The following SAFB2 variants were observed in gnomAD, a reference collection of about 807,000 sequenced individuals.
The protein encoded by SAFB2 is scaffold attachment factor B2.
In SAFB2, 32 loss-of-function variants were observed where a neutral mutation model predicts 100.6. The ratio of observed to expected loss-of-function variants is 0.32; its 90% confidence interval spans 0.24 to 0.43. The LOEUF is 0.43. Ranked by LOEUF, SAFB2 falls within the 20% of genes least tolerant of loss-of-function variation. The probability of loss-of-function intolerance (pLI) is 1.00; values close to 1 mark genes in which losing one functional copy is unlikely to be tolerated. For synonymous variants in SAFB2, 500 were observed against 439.4 expected (o/e 1.14, Z -1.72); for missense variants, 1,185 against 1,163.4 (o/e 1.02, Z -0.27).
At chr19:5,594,310 A>C in intron 14 of SAFB2, 132 bp from the exon 15 acceptor site, 5 of 1,121,808 alleles carry the variant, frequency 4.5e-6, no homozygotes, top group Non-Finnish European at 2.4e-6. Flanking sequence ...GCTTCCCTAA[A>C]GCTGCGCGTG....
chr19:5,608,389 A>T (rs1195365237), intron 9 of SAFB2, among the ~76,000 whole-genome samples: 1 of 152,216 alleles, frequency 6.6e-6, no homozygotes, highest in African/African-American at 2.4e-5. Context: ...GTGACCACGT[A>T]TGTTTACCTC....
rs762734015 is a variant in SAFB2, at chr19:5,595,376, T to C, written c.1904A>G (p.Glu635Gly). The C allele has an allele frequency of 6.2e-7, 1 of 1,611,420 alleles. No homozygotes were observed. Among genetic ancestry groups the C allele is most frequent in the Admixed American group, 1.7e-5 (1 of 60,014 alleles). ...CTCCACTCACCGCCGCCTCTCCGTT[T>C]CGCGGATCTCCCGTTCCCGCTGCCT... The part of the protein sequence containing the change: ...RQRQREREIR[E>G]TERRREREQR... Residue 635 changes from glutamate (E) to glycine (G), a missense_variant, in exon 14 of 21, where the codon GAA becomes GGA. Physicochemically the swap from Glu to Gly is moderately conservative, Grantham distance 98 (BLOSUM62 -2). Around this residue, in one of 3 missense-constraint regions of SAFB2, gnomAD observed 740 missense variants for 687.1 expected, o/e 1.08. Transcript: ENST00000252542.
intron 12 of SAFB2, 78 bp from the exon 13 acceptor site, chr19:5,598,962 C>G: frequency 7.5e-7 from 1 of 1,340,844 alleles, no homozygotes; most frequent in Non-Finnish European, 1.1e-6. Flanking sequence ...TCTGATGGAC[C>G]CTGGGCTTTT....
In SAFB2 at chr19:5,616,320, T is replaced by C. The variant is rs747963502; in HGVS notation, c.355A>G (p.Ser119Gly). ...SRDGQEDMEA[S>G]LENLQNMGMM... ...CCCATATTCTGCAGGTTCTCCAGACTTGCTTCCATGTCCTCCTGTAAAGAG... is the reference window on the plus strand; with the variant it reads ...CCCATATTCTGCAGGTTCTCCAGACCTGCTTCCATGTCCTCCTGTAAAGAG... The change falls in exon 4 of 21, where the codon AGT becomes GGT. Residue 119 changes from serine to glycine, a missense_variant. This residue lies in a region of SAFB2 where 351 missense variants were observed against 341.2 expected (regional missense o/e 1.03). Coordinates refer to ENST00000252542, the MANE Select transcript of SAFB2 (RefSeq NM_014649.3). The C allele has an allele frequency of 6.2e-7, 1 of 1,614,054 alleles. No homozygotes were observed. Among genetic ancestry groups the C allele is most frequent in the African/African-American group, 1.3e-5 (1 of 74,918 alleles).
rs770776818 is a variant in SAFB2 at position 5,587,292 on chromosome 19, T to C, written c.2813A>G (p.His938Arg). The C allele has an allele frequency of 7.5e-6, 12 of 1,609,460 alleles. No individual in the cohort carries two copies. Among genetic ancestry groups the C allele is most frequent in the Non-Finnish European group, 1.0e-5 (12 of 1,178,922 alleles). ...ASQDRGSRVP[H>R]PHPHPPPYPH... is the part of the protein sequence containing the mutation. The stretch of plus-strand genomic sequence containing the variant: ...GTACGGGGGGGGATGAGGGTGTGGG[T>C]GAGGGACTCTGCTGCCCCGGTCCTG... Residue 938 changes from histidine (H) to arginine (R), a missense_variant, in exon 21 of 21, where the codon CAC becomes CGC. Around this residue, in one of 3 missense-constraint regions of SAFB2, gnomAD observed 740 missense variants for 687.1 expected, o/e 1.08. Transcript: ENST00000252542. This position sits in a 1 kb window ranked among gnomAD's most constrained non-coding sequence, Gnocchi z 4.9.
At position 5,587,710 on chromosome 19, in the gene SAFB2, C is replaced by G. The variant is rs575648368; in HGVS notation, c.2696G>C (p.Gly899Ala). The G allele has an allele frequency of 1.9e-6, 3 of 1,551,528 alleles. No individual in the cohort carries two copies. The highest frequency in any genetic ancestry group is 2.4e-5 in the East Asian group (1 of 40,916). ...SGPGHMASRG[G>A]VAGRGGFAQG... ...GGACGACACACCTTACCCCGCCACT[C>G]CACCGCGGCTTGCCATGTGCCCCGG... is the stretch of plus-strand genomic sequence containing the variant. The change falls in exon 20 of 21, where the codon GGA (glycine) becomes GCA (alanine). Residue 899 changes from glycine (G) to alanine (A), a missense_variant. This residue lies in a region of SAFB2 where 740 missense variants were observed against 687.1 expected (regional missense o/e 1.08). Coordinates refer to ENST00000252542, the MANE Select transcript of SAFB2 (RefSeq NM_014649.3). This position sits in a 1 kb window ranked among gnomAD's most constrained non-coding sequence, Gnocchi z 4.9.
At chr19:5,616,535 ATAAT>A (rs769202299) in intron 2 of SAFB2, 49 bp from the exon 3 acceptor site, 24 of 1,480,866 alleles carry the variant, frequency 1.6e-5, no homozygotes, top group South Asian at 1.1e-4. Flanking sequence ...GTTCTACCTC[ATAAT>A]TAGTTTATGC....
In SAFB2 at chr19:5,616,355, T is replaced by G. The variant is rs1449209779; in HGVS notation, c.340-20A>C. 1 of 1,614,020 alleles carries G rather than the reference T, an allele frequency of 6.2e-7. No homozygotes were observed. Among genetic ancestry groups the G allele is most frequent in the East Asian group, 2.2e-5 (1 of 44,898 alleles). ...GTCCTCCTGTAAAGAGGAAGAAGAA[T>G]CGTTAACGACCACCTGGACCAGGAC... On this transcript the variant is annotated intron_variant, in intron 3 of 20. Coordinates refer to ENST00000252542, the MANE Select transcript of SAFB2 (RefSeq NM_014649.3).
intron 12 of SAFB2, among the ~76,000 whole-genome samples, chr19:5,599,146 C>G (rs1227730788): frequency 6.6e-6 from 1 of 152,194 alleles, no homozygotes; most frequent in Admixed American, 6.5e-5. Context: ...AGCACGCACA[C>G]AAGCACGGCC....
intron 4 of SAFB2, among the ~76,000 whole-genome samples, chr19:5,615,092 A>C (rs1372825129): frequency 6.6e-6 from 1 of 151,916 alleles, no homozygotes; most frequent in Non-Finnish European, 1.5e-5. Context: ...CAGTGGCTCA[A>C]GCCTGTAATC....
At chr19:5,617,940 A>C (rs887549272) in intron 2 of SAFB2, among the ~76,000 whole-genome samples, 1 of 152,202 alleles carries the variant, frequency 6.6e-6, no homozygotes, top group Non-Finnish European at 1.5e-5. Context: ...CTAGGAATTA[A>C]GAGACAAGTT....
intron 6 of SAFB2, chr19:5,612,105 T>G (rs1218751622): frequency 6.3e-6 from 2 of 315,948 alleles, no homozygotes; most frequent in Admixed American, 4.9e-5. Flanking sequence ...TGTTGAAAAT[T>G]TTCACGGAGA....
In SAFB2 at chr19:5,600,505, C is replaced by T. The variant is rs572339316; in HGVS notation, c.1560-245G>A. ...ATGCACAATGAAATTCCTGGGGATG[C>T]GTTTCCAAAATGTCAGACAGGCTAG... is the stretch of plus-strand genomic sequence containing the variant. On this transcript the variant is annotated intron_variant, in intron 11 of 20. Transcript: ENST00000252542. Among the ~76,000 whole-genome samples the T allele has an allele frequency of 7.2e-5, 11 of 152,304 alleles. No individual in the cohort carries two copies. In the East Asian group the frequency reaches 2.1e-3, roughly 29 times the overall value.
At chr19:5,605,790 C>A (rs977331866) in intron 9 of SAFB2, among the ~76,000 whole-genome samples, 2 of 152,242 alleles carry the variant, frequency 1.3e-5, no homozygotes, top group African/African-American at 4.8e-5. Context: ...AGACAACAAT[C>A]CCTGAGAGCT....
At position 5,604,767 on chromosome 19, in the gene SAFB2, A is replaced by G. The variant is rs377753070; in HGVS notation, c.1446+20T>C. The G allele has an allele frequency of 1.2e-5, 20 of 1,613,842 alleles. No individual in the cohort carries two copies. The highest frequency in any genetic ancestry group is 1.7e-5 in the Admixed American group (1 of 60,000). On this transcript the variant is annotated intron_variant, in intron 10 of 20. Transcript: ENST00000252542. ...TTGCAAACTCCATTTGCGAGTTACC[A>G]TAGACGAGAACTGCCTCACCTTCTC...
Position 5,604,840 on chromosome 19 carries a change from T to G in SAFB2, c.1393A>C (p.Ile465Leu). The change falls in exon 10 of 21, where the codon ATC (isoleucine) becomes CTC (leucine). Residue 465 changes from isoleucine (I) to leucine (L), a missense_variant. This residue lies in a region of SAFB2 where 94 missense variants were observed against 135.1 expected (regional missense o/e 0.70). Coordinates refer to ENST00000252542, the MANE Select transcript of SAFB2 (RefSeq NM_014649.3). ...MSTSDEATKC[I>L]SHLHRTELHG... ...AGCTCAGTTCTGTGGAGATGGCTGA[T>G]GCACTTGGTCGCCTCGTCAGATGTC... 2 of 1,614,194 alleles carry G rather than the reference T, an allele frequency of 1.2e-6. No homozygotes were observed. Among genetic ancestry groups the G allele is most frequent in the Non-Finnish European group, 1.7e-6 (2 of 1,180,044 alleles).
At chr19:5,595,578 G>A (rs1203476473) in intron 13 of SAFB2, 81 bp from the exon 14 acceptor site, 4 of 1,509,062 alleles carry the variant, frequency 2.7e-6, no homozygotes, top group South Asian at 1.2e-5. Context: ...GTGTGCATGA[G>A]ACTAAGATTC....
chr19:5,617,592 G>A (rs74564707), intron 2 of SAFB2, among the ~76,000 whole-genome samples: 211 of 152,240 alleles, frequency 1.4e-3, no homozygotes, highest in Non-Finnish European at 2.7e-3. Context: ...ATTCAGATAT[G>A]GTTCACAACC....
intron 2 of SAFB2, among the ~76,000 whole-genome samples, chr19:5,618,318 C>CT (rs1293965658): frequency 2.6e-5 from 4 of 152,038 alleles, no homozygotes; most frequent in Non-Finnish European, 5.9e-5. Context: ...GCCGAGATTG[C>CT]ACCACTGTAC....
Sources: allele counts gnomAD v4.1 joint callset (sites outside exome capture counted in the v4.1 genomes callset), GRCh38; gene constraint gnomAD v4.1.1; regional missense constraint gnomAD v4.1.1; non-coding constraint Gnocchi (gnomAD v3.1); transcripts MANE v1.5; gene names NCBI Gene and HGNC (gene_info 2026-07-23, HGNC 2026-07-21).